Variants in TEX15 observed in about 807,000 individuals in gnomAD.
The protein encoded by TEX15 is testis expressed 15, meiosis and synapsis associated.
TEX15 carries 171 observed loss-of-function variants against 237.3 expected under a neutral mutation model. The ratio of observed to expected loss-of-function variants is 0.72; its 90% CI spans 0.64 to 0.82. The LOEUF is 0.82. Ranked by LOEUF, TEX15 falls within the 40% of genes least tolerant of loss-of-function variation. The probability of loss-of-function intolerance (pLI) is 0.00; values close to 1 mark genes in which losing one functional copy is unlikely to be tolerated. For missense variants in TEX15, 3,750 were observed against 3,646.5 expected, an observed-to-expected ratio of 1.03 and a Z score of -0.73; for synonymous variants, 1,338 against 1,269.8, an observed-to-expected ratio of 1.05 and a Z score of -1.14.
chr8:30,862,477 A>T (rs937499263), intron 5 of TEX15, among the ~76,000 whole-genome samples: 3 of 152,230 alleles, frequency 2.0e-5, no homozygotes, highest in African/African-American at 7.2e-5. Context: ...ATACATGAAT[A>T]GATGACTAAT....
At chr8:30,902,056 T>C (rs1390296028) in intron 1 of TEX15, among the ~76,000 whole-genome samples, 1 of 152,178 alleles carries the variant, frequency 6.6e-6, no homozygotes, top group Non-Finnish European at 1.5e-5. Flanking sequence ...GCAAATCCTC[T>C]GGCTTCATCC....
chr8:30,862,599 C>T (rs547077190), intron 5 of TEX15, among the ~76,000 whole-genome samples: 88 of 152,160 alleles, frequency 5.8e-4, no homozygotes, highest in African/African-American at 2.1e-3. Context: ...GTAAATTATG[C>T]TTAATTTGAT....
intron 1 of TEX15, among the ~76,000 whole-genome samples, chr8:30,899,452 G>T (rs894268141): frequency 1.3e-5 from 2 of 152,038 alleles, no homozygotes. Flanking sequence ...CTTTTTGTGT[G>T]TGCGTGTGAG....
Position 30,843,878 on chromosome 8 carries a change from G to T in TEX15, c.6289C>A (p.Pro2097Thr), listed in dbSNP as rs746268241. ...ENKKRHLEGEPTLRSLLWYDE... is the reference protein window; with the variant it reads ...ENKKRHLEGETTLRSLLWYDE... ...TACCAAAGCAAGCTTCGCAATGTTG[G>T]TTCACCTTCTAAGTGCCTTTTTTTG... Residue 2097 changes from proline to threonine, a missense_variant, in exon 8 of 11, where the codon CCA (proline) becomes ACA (threonine). Transcript: ENST00000643185. The T allele has an allele frequency of 4.1e-5, 66 of 1,612,588 alleles. No homozygotes were observed. The highest frequency in any genetic ancestry group is 5.3e-5 in the Non-Finnish European group (62 of 1,179,518).
Position 30,847,994 on chromosome 8 carries a change from G to A in TEX15, c.2173C>T (p.Pro725Ser). The A allele has an allele frequency of 6.2e-7, 1 of 1,613,938 alleles. No homozygotes were observed. The highest frequency in any genetic ancestry group is 8.5e-7 in the Non-Finnish European group (1 of 1,179,928). The change falls in exon 8 of 11, where the codon CCT becomes TCT. Residue 725 changes from proline to serine, a missense_variant. By Grantham distance (74) the Pro-to-Ser change is moderately conservative. Coordinates refer to ENST00000643185, the MANE Select transcript of TEX15 (RefSeq NM_001350162.2). ...PSFESLSQKHPQHSVEYEGNI... is the reference protein window; with the variant it reads ...PSFESLSQKHSQHSVEYEGNI... Reference sequence around the variant, plus strand: ...CCCTCATACTCCACAGAGTGCTGAGGATGCTTTTGTGACAGGCTCTCAAAA... The same window carrying A: ...CCCTCATACTCCACAGAGTGCTGAGAATGCTTTTGTGACAGGCTCTCAAAA...
In TEX15 at chr8:30,847,406, T is replaced by C; in HGVS notation, c.2761A>G (p.Lys921Glu). 1 of 1,612,458 alleles carries C rather than the reference T, an allele frequency of 6.2e-7. No individual in the cohort carries two copies. The highest frequency in any genetic ancestry group is 1.1e-5 in the South Asian group (1 of 90,576). Reference protein sequence around the residue: ...EILSSEEFSTKFNLICREDNA... With the variant: ...EILSSEEFSTEFNLICREDNA... The stretch of plus-strand genomic sequence containing the variant: ...TCTTCTCTGCAAATCAAGTTAAATT[T>C]AGTAGAAAATTCTTCAGAACTCAAA... Residue 921 changes from lysine (K) to glutamate (E), a missense_variant, in exon 8 of 11, where the codon AAA becomes GAA. Coordinates refer to ENST00000643185, the MANE Select transcript of TEX15 (RefSeq NM_001350162.2).
intron 3 of TEX15, among the ~76,000 whole-genome samples, chr8:30,879,868 CATT>C (rs1808480750): frequency 6.6e-6 from 1 of 151,476 alleles, no homozygotes; most frequent in African/African-American, 2.4e-5. Flanking sequence ...GAACTGATGT[CATT>C]ATGTTGAGTC....
chr8:30,860,059 TAA>T lies in TEX15; in HGVS notation c.541-4_541-3del, dbSNP rs35279485. ...TTTCTTCACTTTTCCAAAGAGAACC[TAA>T]AAAAAAAAAAGCCAAAAAAAAAGTA... On this transcript the variant is annotated splice_region_variant and splice_polypyrimidine_tract_variant and intron_variant, in intron 5 of 10. Coordinates refer to ENST00000643185, the MANE Select transcript of TEX15 (RefSeq NM_001350162.2). The T allele has an allele frequency of 8.8e-4, 1,010 of 1,143,550 alleles. No homozygotes were observed. The highest frequency in any genetic ancestry group is 2.7e-3 in the South Asian group (144 of 53,934). 70.8% of individuals were successfully genotyped at this position (1,143,550 alleles called of 1,614,324 possible). A position where few individuals can be genotyped will look rare whatever the true frequency, so the allele number is the denominator to read the frequency against.
chr8:30,845,885 C>T lies in TEX15; in HGVS notation c.4282G>A (p.Asp1428Asn), dbSNP rs772125692. The T allele has an allele frequency of 8.1e-6, 13 of 1,613,212 alleles. No individual in the cohort carries two copies. Among genetic ancestry groups the T allele is most frequent in the Non-Finnish European group, 2.5e-6 (3 of 1,179,596 alleles). ...GACACAGAACTATAACCTTGAAGGT[C>T]ACAACTTTCCCAGAAATTATTGCAT... Reference protein sequence around the residue: ...IICNNFWESCDLQGYSSVSQR... With the variant: ...IICNNFWESCNLQGYSSVSQR... Residue 1428 changes from aspartate (D) to asparagine (N), a missense_variant, in exon 8 of 11, where the codon GAC (aspartate) becomes AAC (asparagine). Transcript: ENST00000643185.
chr8:30,862,567 T>C (rs1808073513), intron 5 of TEX15, among the ~76,000 whole-genome samples: 1 of 152,136 alleles, frequency 6.6e-6, no homozygotes, highest in South Asian at 2.1e-4. Flanking sequence ...AAAATCCTTA[T>C]CTATTACTTT....
rs776269701 is a variant in TEX15 at position 30,847,255 on chromosome 8, T to C, written c.2912A>G (p.Lys971Arg). 18 of 1,613,980 alleles carry C rather than the reference T, an allele frequency of 1.1e-5. No homozygotes were observed. In the South Asian group the frequency reaches 1.8e-4, roughly 16 times the overall value. The change falls in exon 8 of 11, where the codon AAA becomes AGA. Residue 971 changes from lysine to arginine, a missense_variant. Lys to Arg is a conservative substitution (Grantham distance 26). Coordinates refer to ENST00000643185, the MANE Select transcript of TEX15 (RefSeq NM_001350162.2). ...VEHLASTTFP[K>R]TASSSVCVAS... is the part of the protein sequence containing the mutation. ...TACACACACTGAAGAACTTGCAGTTTTGGGAAATGTCGTGGAAGCCAAATG... is the reference window on the plus strand; with the variant it reads ...TACACACACTGAAGAACTTGCAGTTCTGGGAAATGTCGTGGAAGCCAAATG...
chr8:30,883,361 A>G (rs1213356397), intron 3 of TEX15, among the ~76,000 whole-genome samples: 1 of 146,464 alleles, frequency 6.8e-6, no homozygotes, highest in African/African-American at 2.7e-5. Flanking sequence ...ATTCCTTCTC[A>G]GTATTTTCTT....
At chr8:30,864,810 T>C (rs965667913) in intron 5 of TEX15, among the ~76,000 whole-genome samples, 3 of 151,972 alleles carry the variant, frequency 2.0e-5, no homozygotes, top group Admixed American at 2.0e-4. Context: ...GCAATATACA[T>C]AATATAAATT....
chr8:30,858,973 T>A, intron 6 of TEX15, 143 bp from the exon 7 acceptor site: 1 of 533,768 alleles, frequency 1.9e-6, no homozygotes, highest in Non-Finnish European at 3.0e-6. Context: ...AACCCTAATG[T>A]TTTTGAAGAT....
Position 30,844,785 on chromosome 8 carries a change from A to G in TEX15, c.5382T>C (p.Asp1794=), listed in dbSNP as rs1807555038. ...ETNVTENYEL[D]VASGTEEDKS... ...TATCTTCTTCAGTTCCTGATGCTACATCCAACTCATAATTCTCAGTGACAT... is the reference window on the plus strand; with the variant it reads ...TATCTTCTTCAGTTCCTGATGCTACGTCCAACTCATAATTCTCAGTGACAT... Residue 1794 remains aspartate, a synonymous_variant, in exon 8 of 11, where the codon GAT becomes GAC. Transcript: ENST00000643185. 5 of 1,613,492 alleles carry G rather than the reference A, an allele frequency of 3.1e-6. No individual in the cohort carries two copies. In the East Asian group the frequency reaches 1.1e-4, roughly 36 times the overall value.
rs1367157130 is a variant in TEX15 at position 30,848,562 on chromosome 8, T to C, written c.1605A>G (p.Gln535=). The change falls in exon 8 of 11, where the codon CAA becomes CAG. Residue 535 remains glutamine, a synonymous_variant. Transcript: ENST00000643185. ...KVTMAGQCKD[Q]GNFSFPISVS... Reference sequence around the variant, plus strand: ...CAGAAATTGGGAAGGAAAAATTACCTTGGTCCTTACATTGCCCTGCCATGG... The same window carrying C: ...CAGAAATTGGGAAGGAAAAATTACCCTGGTCCTTACATTGCCCTGCCATGG... 6.2e-7 allele frequency: 1 copy of C among 1,614,164 alleles called. No individual in the cohort carries two copies. Among genetic ancestry groups the C allele is most frequent in the South Asian group, 1.1e-5 (1 of 91,078 alleles).
chr8:30,899,998 T>C (rs1808977858), intron 1 of TEX15, among the ~76,000 whole-genome samples: 2 of 152,214 alleles, frequency 1.3e-5, no homozygotes, highest in African/African-American at 2.4e-5. Flanking sequence ...GTAACTTTTA[T>C]TGGTGAAACA....
At chr8:30,901,230 A>C (rs1039415824) in intron 1 of TEX15, among the ~76,000 whole-genome samples, 2 of 152,182 alleles carry the variant, frequency 1.3e-5, no homozygotes, top group Admixed American at 6.5e-5. Flanking sequence ...GTACCTATAA[A>C]TTTAATCTGC....
chr8:30,851,181 T>C (rs1807776305), intron 7 of TEX15, among the ~76,000 whole-genome samples: 1 of 152,284 alleles, frequency 6.6e-6, no homozygotes, highest in South Asian at 2.1e-4. Flanking sequence ...TTCAGTAAAA[T>C]AACCCAAGAC....
Sources: allele counts gnomAD v4.1 joint callset (sites outside exome capture counted in the v4.1 genomes callset), GRCh38; gene constraint gnomAD v4.1.1; transcripts MANE v1.5; gene names NCBI Gene and HGNC (gene_info 2026-07-23, HGNC 2026-07-21).